Variants in RBFOX1 observed in about 807,000 individuals in gnomAD.
RBFOX1 encodes RNA binding protein fox-1 homolog 1.
A neutral mutation model predicts 57.7 loss-of-function variants in RBFOX1; 8 were observed. That is an observed-to-expected ratio of 0.14 (90% CI 0.08 to 0.25). The LOEUF (loss-of-function observed/expected upper bound fraction) is 0.25, where lower values mean the gene tolerates loss of function less well. RBFOX1 is among the 10% of genes least tolerant of loss of function. The pLI is 1.00. For synonymous variants in RBFOX1, 326 were observed against 222.4 expected (o/e 1.47, Z -4.15); for missense variants, 611 against 548.5 (o/e 1.11, Z -1.14).
chr16:5,774,794 T>G (rs2054092692), intron 3 of RBFOX1, among the ~76,000 whole-genome samples: 1 of 152,192 alleles, frequency 6.6e-6, no homozygotes, highest in Admixed American at 6.5e-5. Flanking sequence ...GCAATTCTCC[T>G]GCCTCAGCCT....
At position 7,378,402 on chromosome 16, in the gene RBFOX1, G is replaced by A. The variant is rs891670443; in HGVS notation, c.28-139745G>A. On this transcript the variant is annotated intron_variant, in intron 4 of 15. Coordinates refer to ENST00000550418, the MANE Select transcript of RBFOX1 (RefSeq NM_018723.4). The stretch of plus-strand genomic sequence containing the variant: ...AAACCAAGCCCCCTGGAGAGTCCCT[G>A]ACAAGGACGAGGTGCAACACTGTTA... Among the ~76,000 whole-genome samples, 6 of 152,120 alleles carry A rather than the reference G, an allele frequency of 3.9e-5. 1 individual carries two copies. Among genetic ancestry groups the A allele is most frequent in the African/African-American group, 1.4e-4 (6 of 41,428 alleles).
rs544340038 is a variant in RBFOX1, at chr16:7,070,639, G to T, written c.27+18541G>T. ...TGGGTTTGCTTATTTGCTCCTAAATGTTCTAATGCAGAGCCATCTCCCTTG... is the reference window on the plus strand; with the variant it reads ...TGGGTTTGCTTATTTGCTCCTAAATTTTCTAATGCAGAGCCATCTCCCTTG... On this transcript the variant is annotated intron_variant, in intron 4 of 15. Coordinates refer to ENST00000550418, the MANE Select transcript of RBFOX1 (RefSeq NM_018723.4). Among the ~76,000 whole-genome samples, 3 of 152,282 alleles carry T rather than the reference G, an allele frequency of 2.0e-5. No homozygotes were observed. The South Asian group carries it at 6.2e-4, about 32-fold the overall frequency.
At chr16:7,334,488 GATAA>G (rs1450998469) in intron 4 of RBFOX1, among the ~76,000 whole-genome samples, 1 of 152,124 alleles carries the variant, frequency 6.6e-6, no homozygotes, top group Non-Finnish European at 1.5e-5. Context: ...CGACCCATCT[GATAA>G]ATAATTACAG....
chr16:6,913,763 C>T (rs973618545), intron 3 of RBFOX1, among the ~76,000 whole-genome samples: 1 of 152,126 alleles, frequency 6.6e-6, no homozygotes, highest in African/African-American at 2.4e-5. Context: ...CGGTTAAGTC[C>T]ACTGTGGGAA....
intron 3 of RBFOX1, among the ~76,000 whole-genome samples, chr16:6,838,443 G>A (rs1249993345): frequency 6.6e-6 from 1 of 152,132 alleles, no homozygotes; most frequent in South Asian, 2.1e-4. Flanking sequence ...GGGCATTTGG[G>A]TTGACTAGCC....
chr16:5,748,461 G>T (rs2053069175), intron 3 of RBFOX1, among the ~76,000 whole-genome samples: 1 of 152,156 alleles, frequency 6.6e-6, no homozygotes, highest in Non-Finnish European at 1.5e-5. Context: ...TCTGTCTAAT[G>T]TTGACAGTGG....
intron 14 of RBFOX1, among the ~76,000 whole-genome samples, chr16:7,679,071 T>C (rs1249074014): frequency 6.6e-6 from 1 of 152,202 alleles, no homozygotes; most frequent in Non-Finnish European, 1.5e-5. Context: ...ACTTGCCACA[T>C]GGTATTATTC....
chr16:5,868,580 C>T (rs573076414), intron 4 of RBFOX1, among the ~76,000 whole-genome samples: 1 of 152,258 alleles, frequency 6.6e-6, no homozygotes, highest in Admixed American at 6.5e-5. Context: ...GTTCAAATGT[C>T]GGCATCCTCG....
chr16:5,553,359 G>T (rs548360187), intron 2 of RBFOX1, among the ~76,000 whole-genome samples: 1 of 149,450 alleles, frequency 6.7e-6, no homozygotes, highest in East Asian at 2.0e-4. Flanking sequence ...TCTTTTACCC[G>T]GGCCAGAGTG....
chr16:6,082,904 G>C (rs1372103428), intron 1 of RBFOX1, among the ~76,000 whole-genome samples: 2 of 152,158 alleles, frequency 1.3e-5, no homozygotes, highest in Non-Finnish European at 2.9e-5. Flanking sequence ...CTAGCCCATA[G>C]CACCCCTGCT....
intron 2 of RBFOX1, among the ~76,000 whole-genome samples, chr16:6,461,616 T>C (rs999331446): frequency 5.3e-5 from 8 of 152,254 alleles, no homozygotes; most frequent in Admixed American, 2.0e-4. Context: ...ACTTTGTCTT[T>C]TTTGTTCAAA....
In RBFOX1 at chr16:7,431,661, A is replaced by G. The variant is rs541293870; in HGVS notation, c.28-86486A>G. Among the ~76,000 whole-genome samples, 6 of 152,336 alleles carry G rather than the reference A, an allele frequency of 3.9e-5. No homozygotes were observed. In the Middle Eastern group the frequency reaches 0.017, roughly 432 times the overall value. On this transcript the variant is annotated intron_variant, in intron 4 of 15. Transcript: ENST00000550418. ...TGTCCAGTTTCAGAACATTTTTATTACTTCAAAAGGAACCCCATATCCATT... is the reference window on the plus strand; with the variant it reads ...TGTCCAGTTTCAGAACATTTTTATTGCTTCAAAAGGAACCCCATATCCATT...
chr16:5,849,334 A>G (rs1346021103), intron 3 of RBFOX1, among the ~76,000 whole-genome samples: 3 of 152,088 alleles, frequency 2.0e-5, no homozygotes, highest in South Asian at 2.1e-4. Context: ...TTGGGTCCAA[A>G]CAGGAGACTT....
intron 2 of RBFOX1, among the ~76,000 whole-genome samples, chr16:6,507,824 G>T (rs146293371): frequency 1.3e-5 from 2 of 151,830 alleles, no homozygotes; most frequent in South Asian, 2.1e-4. Flanking sequence ...AGAAGGAGGG[G>T]GGAATGGGGA....
At chr16:5,546,627 C>G (rs1330827676) in intron 2 of RBFOX1, among the ~76,000 whole-genome samples, 1 of 152,162 alleles carries the variant, frequency 6.6e-6, no homozygotes, top group Non-Finnish European at 1.5e-5. Context: ...ATCATACATT[C>G]AGATATACAA....
chr16:6,831,968 G>C (rs1341059492), intron 3 of RBFOX1, among the ~76,000 whole-genome samples: 2 of 152,304 alleles, frequency 1.3e-5, no homozygotes, highest in South Asian at 2.1e-4. Context: ...AAAACGGGAA[G>C]ATGTTGCTAA....
intron 1 of RBFOX1, among the ~76,000 whole-genome samples, chr16:5,398,945 G>T (rs1283478588): frequency 1.3e-5 from 2 of 152,218 alleles, no homozygotes; most frequent in Admixed American, 6.5e-5. Flanking sequence ...TGCGATTGGT[G>T]TCTGACTTTG....
chr16:5,862,662 C>G (rs914969584), intron 3 of RBFOX1, among the ~76,000 whole-genome samples: 1 of 152,190 alleles, frequency 6.6e-6, no homozygotes, highest in African/African-American at 2.4e-5. Context: ...GTAATTAAAT[C>G]TCTTTGATCC....
chr16:7,452,325 G>T lies in RBFOX1; in HGVS notation c.28-65822G>T, dbSNP rs573216757. 3.9e-5 allele frequency among the ~76,000 whole-genome samples: 6 copies of T among 152,290 alleles called. No individual in the cohort carries two copies. In the East Asian group the frequency reaches 5.8e-4, roughly 15 times the overall value. On this transcript the variant is annotated intron_variant, in intron 4 of 15. Coordinates refer to ENST00000550418, the MANE Select transcript of RBFOX1 (RefSeq NM_018723.4). ...ACATCATTGGAGAATGAGTCAGCCC[G>T]CGTTAGCGTGTAGGTGATGTGCATT...
Sources: allele counts gnomAD v4.1 joint callset (sites outside exome capture counted in the v4.1 genomes callset), GRCh38; gene constraint gnomAD v4.1.1; transcripts MANE v1.5; gene names NCBI Gene and HGNC (gene_info 2026-07-23, HGNC 2026-07-21).